LYPD6: variants seen among roughly 807,000 people sequenced by gnomAD.
LYPD6 encodes the protein ly6/PLAUR domain-containing protein 6.
In LYPD6, 15 loss-of-function variants were observed where a neutral mutation model predicts 22.7. The ratio of observed to expected loss-of-function variants is 0.66; its 90% confidence interval spans 0.44 to 1.02. LYPD6 has a LOEUF of 1.02. Ranked by LOEUF, LYPD6 falls within the 50% of genes least tolerant of loss-of-function variation. The probability of loss-of-function intolerance (pLI) is 0.00; values close to 1 mark genes in which losing one functional copy is unlikely to be tolerated. For synonymous variants in LYPD6, 72 were observed against 77.5 expected, an observed-to-expected ratio of 0.93 and a Z score of 0.37; for missense variants, 189 against 208.4, an observed-to-expected ratio of 0.91 and a Z score of 0.57.
At chr2:149,338,145 T>A (rs1681095567) in intron 1 of LYPD6, among the ~76,000 whole-genome samples, 1 of 152,208 alleles carries the variant, frequency 6.6e-6, no homozygotes, top group African/African-American at 2.4e-5. Context: ...TGTAGAACAA[T>A]TTGTATTCCT....
chr2:149,345,563 C>T (rs1307405462), intron 1 of LYPD6, among the ~76,000 whole-genome samples: 2 of 151,718 alleles, frequency 1.3e-5, no homozygotes, highest in African/African-American at 2.4e-5. Context: ...GATCCACCCA[C>T]CTCGGCCTCC....
At chr2:149,478,393 TGTGTGTGC>T (rs1367784991), downstream of LYPD6, among the ~76,000 whole-genome samples, 2 of 63,060 alleles carry the variant, frequency 3.2e-5, no homozygotes, top group Admixed American at 1.7e-4. Context: ...TGTGTGTGTG[TGTGTGTGC>T]GCGCACGCAT....
At chr2:149,384,609 C>G (rs533724005) in intron 1 of LYPD6, among the ~76,000 whole-genome samples, 1 of 152,226 alleles carries the variant, frequency 6.6e-6, no homozygotes, top group Non-Finnish European at 1.5e-5. Flanking sequence ...AACAGTACCA[C>G]AGAGGTAATA....
intron 1 of LYPD6, among the ~76,000 whole-genome samples, chr2:149,332,928 C>A (rs10931383): frequency 0.51 from 77,744 of 151,980 alleles, 20,135 homozygotes; most frequent in Middle Eastern, 0.55. Flanking sequence ...TATAATCAAA[C>A]CCCTAAAGGA....
intron 3 of LYPD6, among the ~76,000 whole-genome samples, chr2:149,457,286 G>A (rs1301619207): frequency 6.6e-6 from 1 of 151,622 alleles, no homozygotes; most frequent in African/African-American, 2.4e-5. Flanking sequence ...TATAGACGTC[G>A]TAGAACTAAA....
chr2:149,377,243 G>C (rs1681942999), intron 1 of LYPD6, among the ~76,000 whole-genome samples: 1 of 149,126 alleles, frequency 6.7e-6, no homozygotes, highest in Non-Finnish European at 1.5e-5. Flanking sequence ...GATGTTGTCT[G>C]TCAGGTCTGC....
downstream of LYPD6, among the ~76,000 whole-genome samples, chr2:149,477,344 C>T (rs941461439): frequency 8.6e-5 from 13 of 152,028 alleles, no homozygotes; most frequent in African/African-American, 1.9e-4. Flanking sequence ...AAAGGTCAGC[C>T]GGGCGTGGTG....
At chr2:149,387,372 C>T (rs1004231025) in intron 1 of LYPD6, among the ~76,000 whole-genome samples, 1 of 152,152 alleles carries the variant, frequency 6.6e-6, no homozygotes, top group Non-Finnish European at 1.5e-5. Flanking sequence ...GGCTAAGTTC[C>T]AGGTGGAAAG....
intron 3 of LYPD6, among the ~76,000 whole-genome samples, chr2:149,464,939 A>G (rs1047682278): frequency 3.3e-5 from 5 of 152,140 alleles, no homozygotes; most frequent in African/African-American, 1.2e-4. Flanking sequence ...AGATAAAAAG[A>G]TGCAAGGGGG....
Position 149,349,372 on chromosome 2 carries a change from A to G in LYPD6, c.-72+18650A>G, listed in dbSNP as rs553572304. On this transcript the variant is annotated intron_variant, in intron 1 of 4. Transcript: ENST00000334166. ...TAGGAATTTGTGGGCTAGAAAACTG[A>G]AGCAACTTTCATGAAAAGTGTGGGA... Among the ~76,000 whole-genome samples the G allele has an allele frequency of 3.3e-5, 5 of 152,292 alleles. No homozygotes were observed. The South Asian group carries it at 8.3e-4, about 25-fold the overall frequency.
At chr2:149,336,805 T>C (rs1162994762) in intron 1 of LYPD6, among the ~76,000 whole-genome samples, 1 of 152,170 alleles carries the variant, frequency 6.6e-6, no homozygotes, top group Non-Finnish European at 1.5e-5. Flanking sequence ...CATGTAGTGT[T>C]AATAGAAAGA....
intron 1 of LYPD6, among the ~76,000 whole-genome samples, chr2:149,349,667 G>A (rs1355560326): frequency 6.6e-6 from 1 of 152,178 alleles, no homozygotes; most frequent in African/African-American, 2.4e-5. Flanking sequence ...TTTGCTAACA[G>A]CTTTTCCTCC....
rs142859945 is a variant in LYPD6, at chr2:149,467,186, A to G, written c.218-1459A>G. ...ATTCTTATTGTGAGCTCCCCAGATGACCTTACCCTACTCCCAAAGAGCTCC... is the reference window on the plus strand; with the variant it reads ...ATTCTTATTGTGAGCTCCCCAGATGGCCTTACCCTACTCCCAAAGAGCTCC... On this transcript the variant is annotated intron_variant, in intron 3 of 4. Coordinates refer to ENST00000334166, the MANE Select transcript of LYPD6 (RefSeq NM_194317.5). Among the ~76,000 whole-genome samples the G allele has an allele frequency of 2.3e-3, 346 of 152,300 alleles. 3 individuals carry two copies. The highest frequency in any genetic ancestry group is 0.016 in the Admixed American group (246 of 15,294).
chr2:149,384,866 C>G (rs944679379), intron 1 of LYPD6, among the ~76,000 whole-genome samples: 3 of 149,964 alleles, frequency 2.0e-5, no homozygotes, highest in African/African-American at 7.4e-5. Flanking sequence ...TCTCCTAAAA[C>G]TATCCCTTCC....
chr2:149,405,115 G>A (rs2105114007), intron 1 of LYPD6, among the ~76,000 whole-genome samples: 2 of 151,946 alleles, frequency 1.3e-5, no homozygotes, highest in African/African-American at 2.4e-5. Context: ...GCTTTTTGAT[G>A]TGCTGTTGGA....
intron 1 of LYPD6, among the ~76,000 whole-genome samples, chr2:149,332,338 AAGAC>A (rs1187278828): frequency 6.6e-6 from 1 of 152,244 alleles, no homozygotes; most frequent in Non-Finnish European, 1.5e-5. Flanking sequence ...CAGACCAATT[AAGAC>A]AGACAATTGA....
At chr2:149,398,736 G>A (rs911846531) in intron 1 of LYPD6, among the ~76,000 whole-genome samples, 18 of 152,038 alleles carry the variant, frequency 1.2e-4, no homozygotes, top group Admixed American at 2.0e-4. Context: ...GAGAAGCCTG[G>A]AAACCAACAT....
At chr2:149,381,268 G>A (rs113115697) in intron 1 of LYPD6, among the ~76,000 whole-genome samples, 60 of 152,158 alleles carry the variant, frequency 3.9e-4, no homozygotes, top group African/African-American at 1.4e-3. Flanking sequence ...GCCTTTAGAG[G>A]GGTGAAACAA....
At chr2:149,485,417 A>C in the LYPD6 span, among the ~76,000 whole-genome samples, 1 of 152,176 alleles carries the variant, frequency 6.6e-6, no homozygotes, top group Non-Finnish European at 1.5e-5. Flanking sequence ...TTGAAAGGGA[A>C]TTGCTTTCAG....
Sources: gnomAD v4.1 joint callset for allele counts (sites outside exome capture counted in the v4.1 genomes callset) on GRCh38, gnomAD v4.1.1 for gene constraint, MANE v1.5 for transcripts, NCBI Gene and HGNC (gene_info 2026-07-23, HGNC 2026-07-21) for gene names.